Variants in TUB observed in about 807,000 individuals in gnomAD.
TUB encodes the protein tubby protein homolog.
TUB carries 33 observed loss-of-function variants against 59.7 expected under a neutral mutation model. The ratio of observed to expected loss-of-function variants is 0.55; its 90% CI spans 0.42 to 0.74. The LOEUF is 0.74. Among genes scored for constraint, TUB ranks in the 30% least tolerant of loss-of-function variants. The pLI, the probability that TUB is intolerant of heterozygous loss-of-function variation, is 0.00. For synonymous variants in TUB, 293 were observed against 256.4 expected, an observed-to-expected ratio of 1.14 and a Z score of -1.36; for missense variants, 659 against 672.0, an observed-to-expected ratio of 0.98 and a Z score of 0.21.
chr11:8,066,612 G>A (rs761769857), intron 2 of TUB, among the ~76,000 whole-genome samples: 1 of 152,160 alleles, frequency 6.6e-6, no homozygotes, highest in African/African-American at 2.4e-5. Flanking sequence ...GGGCAACACC[G>A]CTCAGCAGCT....
chr11:8,052,980 GA>G (rs756822305), intron 2 of TUB, among the ~76,000 whole-genome samples: 366 of 152,216 alleles, frequency 2.4e-3, no homozygotes, highest in African/African-American at 7.8e-3. Flanking sequence ...ATAATTATGT[GA>G]AAAAATAAAT....
In TUB at chr11:8,105,538, T is replaced by C. The variant is rs1486466070; in HGVS notation, c.*3919T>C. ...CAAGTGGAAAGGCAAGTTGGTCTTA[T>C]AGAAAGCACTACTGCACTTAGTAGC... On this transcript the variant is annotated 3_prime_UTR_variant, in exon 12 of 12. Coordinates refer to ENST00000299506, the MANE Select transcript of TUB (RefSeq NM_177972.3). 1 of 152,238 alleles carries C rather than the reference T, an allele frequency of 6.6e-6. No homozygotes were observed. The highest frequency in any genetic ancestry group is 1.5e-5 in the Non-Finnish European group (1 of 68,052). The allele number at this position is 152,238 out of a possible 1,614,324, so 9.4% of individuals were successfully genotyped here.
At chr11:8,031,756 G>C (rs985118597) in intron 1 of TUB, among the ~76,000 whole-genome samples, 2 of 152,218 alleles carry the variant, frequency 1.3e-5, no homozygotes, top group Non-Finnish European at 2.9e-5. Context: ...GACAGGAGCT[G>C]GGGTAGGGAG....
At chr11:8,019,287 G>T (rs1942382215) in exon 1 of TUB, 15 of 1,263,530 alleles carry the variant, frequency 1.2e-5, no homozygotes, top group Admixed American at 4.0e-5. Flanking sequence ...AGCCCCGAGC[G>T]GAGCCGGAGG....
chr11:8,053,569 C>T (rs1942966253), intron 2 of TUB, among the ~76,000 whole-genome samples: 2 of 151,620 alleles, frequency 1.3e-5, no homozygotes, highest in South Asian at 4.2e-4. Flanking sequence ...TGCACGATCT[C>T]GGCTCACTGC....
Position 8,069,401 on chromosome 11 carries a change from G to C in TUB, c.204-20209G>C, listed in dbSNP as rs199683235. 1.6e-3 allele frequency: 7 copies of C among 4,278 alleles called. No homozygotes were observed. In the South Asian group the frequency reaches 0.094, roughly 57 times the overall value. 0.3% of individuals were successfully genotyped at this position (4,278 alleles called of 1,614,324 possible). On this transcript the variant is annotated intron_variant, in intron 2 of 12. Transcript: ENST00000305253. ...ATTTAGTATTCTTTGTATTCTTTCG[G>C]GGGGGGGGGGTAATTAACCCTAAAT...
At chr11:8,046,427 C>T (rs1358659499) in intron 2 of TUB, among the ~76,000 whole-genome samples, 1 of 152,210 alleles carries the variant, frequency 6.6e-6, no homozygotes, top group Non-Finnish European at 1.5e-5. Flanking sequence ...AAACTCAATG[C>T]ATCCAAACTA....
intron 2 of TUB, among the ~76,000 whole-genome samples, chr11:8,061,497 C>T (rs1589941386): frequency 6.6e-6 from 1 of 152,256 alleles, no homozygotes; most frequent in East Asian, 1.9e-4. Context: ...GCCGGCCTCC[C>T]CTCCCCGTCC....
In TUB at chr11:8,089,755, C is replaced by T. The variant is rs144945242; in HGVS notation, c.90+94C>T. The T allele has an allele frequency of 1.8e-4, 272 of 1,497,760 alleles. 1 individual carries two copies. Among genetic ancestry groups the T allele is most frequent in the Middle Eastern group, 3.6e-4 (2 of 5,480 alleles). The allele number at this position is 1,497,760 out of a possible 1,614,324, so 92.8% of individuals were successfully genotyped here. On this transcript the variant is annotated intron_variant, in intron 2 of 11. Transcript: ENST00000299506. ...GCTGTCCATCTTCCCTGGATGATCCCGTCTGATTGGGGGATGGGATTCCCA... is the reference window on the plus strand; with the variant it reads ...GCTGTCCATCTTCCCTGGATGATCCTGTCTGATTGGGGGATGGGATTCCCA...
chr11:8,089,708 T>C (rs1943734892), intron 2 of TUB, 47 bp downstream of exon 2: 1 of 1,610,466 alleles, frequency 6.2e-7, no homozygotes, highest in Non-Finnish European at 8.5e-7. Flanking sequence ...TGGGCTGGGA[T>C]CTCTGAGGGC....
chr11:8,079,673 G>GGTGTGTGTGTGTGTGC (rs71059150), upstream of TUB, among the ~76,000 whole-genome samples: 1 of 149,360 alleles, frequency 6.7e-6, no homozygotes, highest in Non-Finnish European at 1.5e-5. Context: ...CATGTGTGTA[G>GGTGTGTGTGTGTGTGC]GTGTGTGTAG....
chr11:8,076,596 C>T (rs373750336), upstream of TUB: 4 of 152,184 alleles, frequency 2.6e-5, no homozygotes, highest in African/African-American at 9.7e-5. Flanking sequence ...CTGGAAGCAT[C>T]CCATCTCATC....
intron 2 of TUB, among the ~76,000 whole-genome samples, chr11:8,063,173 G>A (rs528534432): frequency 1.2e-3 from 177 of 152,290 alleles, no homozygotes; most frequent in Non-Finnish European, 2.1e-3. Flanking sequence ...AGGTCCTCCT[G>A]CATAGACACG....
intron 2 of TUB, among the ~76,000 whole-genome samples, chr11:8,062,450 G>T (rs1015527692): frequency 6.6e-6 from 1 of 152,084 alleles, no homozygotes; most frequent in Non-Finnish European, 1.5e-5. Flanking sequence ...GCTGTCAGGG[G>T]CCTGTGGAGG....
chr11:8,039,440 T>C, intron 1 of TUB: 1 of 467,774 alleles, frequency 2.1e-6, no homozygotes, highest in Non-Finnish European at 3.7e-6. Flanking sequence ...ACTGCCTGCC[T>C]GCCTGCCTGC....
exon 1 of TUB, chr11:8,019,300 G>A: frequency 1.3e-5 from 16 of 1,273,328 alleles, no homozygotes; most frequent in Non-Finnish European, 1.6e-5. Context: ...GCCGGAGGCG[G>A]CGATGGAGGG....
chr11:8,045,841 C>T (rs993145406), intron 2 of TUB, among the ~76,000 whole-genome samples: 3 of 152,202 alleles, frequency 2.0e-5, no homozygotes, highest in Admixed American at 1.3e-4. Context: ...AAAGAGTGCT[C>T]TTCTGAGGAC....
intron 2 of TUB, among the ~76,000 whole-genome samples, chr11:8,042,977 T>C (rs1180927759): frequency 1.3e-5 from 2 of 152,214 alleles, no homozygotes; most frequent in African/African-American, 4.8e-5. Flanking sequence ...CTTTTGTTGC[T>C]TGTGCTTTTG....
intron 7 of TUB, 37 bp from the exon 8 acceptor site, chr11:8,097,677 G>A (rs1260201072): frequency 6.4e-7 from 1 of 1,562,216 alleles, no homozygotes; most frequent in Non-Finnish European, 8.8e-7. Context: ...CAGACCAGAG[G>A]CTGAGTCTGG....
Sources: gnomAD v4.1 joint callset for allele counts (sites outside exome capture counted in the v4.1 genomes callset) on GRCh38, gnomAD v4.1.1 for gene constraint, MANE v1.5 for transcripts, NCBI Gene and HGNC (gene_info 2026-07-23, HGNC 2026-07-21) for gene names.